CCDC81: variants seen among roughly 807,000 people sequenced by gnomAD.
CCDC81 encodes coiled-coil domain containing 81, also known as coiled-coil domain-containing protein 81.
A neutral mutation model predicts 83.7 loss-of-function variants in CCDC81; 79 were observed. The ratio of observed to expected loss-of-function variants is 0.94; its 90% CI spans 0.79 to 1.14. CCDC81 has a LOEUF of 1.14. CCDC81 is among the 50% of genes most tolerant of loss of function. The pLI, the probability that CCDC81 is intolerant of heterozygous loss-of-function variation, is 0.00. For synonymous variants in CCDC81, 252 were observed against 278.1 expected (o/e 0.91, Z 0.93); for missense variants, 791 against 778.1 (o/e 1.02, Z -0.20).
rs562183450 is a variant in CCDC81, at chr11:86,395,375, C to T, written c.597C>T (p.Ala199=). 8.4e-5 allele frequency: 136 copies of T among 1,614,104 alleles called. No individual in the cohort carries two copies. The South Asian group carries it at 1.4e-3, about 17-fold the overall frequency. The change falls in exon 5 of 15, where the codon GCC becomes GCT. Residue 199 remains alanine (A), a synonymous_variant. Transcript: ENST00000445632. ...ACTCGGTGTTGTCTAGCAGAGAGGC[C>T]TTGAGGAAGTGGCCCAGCAGTGTGC... ...TVDSVLSSRE[A]LRKWPSSVLA... is the part of the protein sequence containing the mutation.
rs1261004368 is a variant in CCDC81 at position 86,417,554 on chromosome 11, T to C, written c.1691+2241T>C. 3.3e-5 allele frequency among the ~76,000 whole-genome samples: 5 copies of C among 152,156 alleles called. No individual in the cohort carries two copies. The East Asian group carries it at 7.7e-4, about 23-fold the overall frequency. On this transcript the variant is annotated intron_variant, in intron 13 of 14. Transcript: ENST00000445632. Reference sequence around the variant, plus strand: ...ATATATGAGATTCATTCTTCTTTAATAGCAGCATATTATCTATAATATAGA... The same window carrying C: ...ATATATGAGATTCATTCTTCTTTAACAGCAGCATATTATCTATAATATAGA...
intron 1 of CCDC81, among the ~76,000 whole-genome samples, chr11:86,375,455 G>A (rs1388794456): frequency 1.3e-5 from 2 of 152,136 alleles, no homozygotes; most frequent in African/African-American, 4.8e-5. Flanking sequence ...TGCGTAGACA[G>A]CACAAAGTAA....
rs752374705 is a variant in CCDC81 at position 86,422,747 on chromosome 11, A to T, written c.*32A>T. 1 of 1,599,780 alleles carries T rather than the reference A, an allele frequency of 6.3e-7. No homozygotes were observed. Among genetic ancestry groups the T allele is most frequent in the African/African-American group, 1.3e-5 (1 of 74,178 alleles). On this transcript the variant is annotated 3_prime_UTR_variant, in exon 15 of 15. Coordinates refer to ENST00000445632, the MANE Select transcript of CCDC81 (RefSeq NM_001156474.2). ...AAGTTTGGCTCTTCGTTTCCCGGGG[A>T]AAGTTTTTATCTTTTACATGTTTGG...
intron 13 of CCDC81, among the ~76,000 whole-genome samples, chr11:86,416,372 A>C (rs900742172): frequency 1.9e-4 from 29 of 152,192 alleles, no homozygotes; most frequent in African/African-American, 7.0e-4. Flanking sequence ...TGGGAAGCAA[A>C]GTGTGCTTTC....
rs11821407 is a variant in CCDC81, at chr11:86,408,411, C to T, written c.1113+141C>T. 1,275 of 689,346 alleles carry T rather than the reference C, an allele frequency of 1.8e-3. 9 individuals carry two copies. The African/African-American group carries it at 0.022, about 12-fold the overall frequency. 42.7% of individuals were successfully genotyped at this position (689,346 alleles called of 1,614,324 possible). On this transcript the variant is annotated intron_variant, in intron 9 of 14. Coordinates refer to ENST00000445632, the MANE Select transcript of CCDC81 (RefSeq NM_001156474.2). ...GCAGTGGCACAACCTCTGCTCACTG[C>T]AGCCTTGACCTACTTGGGCTCAGAT...
At chr11:86,398,000 C>T (rs529643448) in intron 6 of CCDC81, among the ~76,000 whole-genome samples, 149 of 152,156 alleles carry the variant, frequency 9.8e-4, no homozygotes, top group Non-Finnish European at 1.5e-3. Flanking sequence ...CCATCATGTG[C>T]CACCATGCCT....
At chr11:86,377,521 T>A (rs1948114071) in intron 1 of CCDC81, among the ~76,000 whole-genome samples, 1 of 152,202 alleles carries the variant, frequency 6.6e-6, no homozygotes, top group South Asian at 2.1e-4. Context: ...TGGTATCTCA[T>A]TGTTTTATTT....
intron 1 of CCDC81, 41 bp from the exon 2 acceptor site, chr11:86,386,010 G>T: frequency 1.1e-6 from 1 of 948,350 alleles, no homozygotes; most frequent in Non-Finnish European, 1.7e-6. Flanking sequence ...ACATGGGTGC[G>T]CATATAAATT....
intron 1 of CCDC81, among the ~76,000 whole-genome samples, chr11:86,383,606 C>A (rs1948201635): frequency 6.6e-6 from 1 of 152,114 alleles, no homozygotes; most frequent in Non-Finnish European, 1.5e-5. Context: ...CTTGGCATTT[C>A]AGTGTTTGAT....
chr11:86,375,249 G>A lies in CCDC81; in HGVS notation c.79+7G>A, dbSNP rs112346194. 11 of 1,606,982 alleles carry A rather than the reference G, an allele frequency of 6.8e-6. No individual in the cohort carries two copies. The highest frequency in any genetic ancestry group is 6.7e-5 in the African/African-American group (5 of 74,884). ...CCCTCGCTGAGCCAGGAGGGTAAGCGTGTTGGGTAGCAGGGGGTGGCCCTG... is the reference window on the plus strand; with the variant it reads ...CCCTCGCTGAGCCAGGAGGGTAAGCATGTTGGGTAGCAGGGGGTGGCCCTG... On this transcript the variant is annotated splice_region_variant and intron_variant, in intron 1 of 14. Transcript: ENST00000445632.
At chr11:86,381,918 G>A (rs1465316779) in intron 1 of CCDC81, among the ~76,000 whole-genome samples, 4 of 152,208 alleles carry the variant, frequency 2.6e-5, no homozygotes, top group African/African-American at 9.6e-5. Flanking sequence ...GAGGTAGAGA[G>A]TGGAAGTGAG....
At chr11:86,382,519 A>T (rs1234933870) in intron 1 of CCDC81, among the ~76,000 whole-genome samples, 1 of 152,160 alleles carries the variant, frequency 6.6e-6, no homozygotes, top group Non-Finnish European at 1.5e-5. Context: ...TAAGAGAAGA[A>T]AGATTGCGGT....
intron 1 of CCDC81, among the ~76,000 whole-genome samples, chr11:86,377,098 C>T (rs1039199000): frequency 2.0e-5 from 3 of 151,962 alleles, no homozygotes; most frequent in African/African-American, 7.3e-5. Flanking sequence ...AATATTCCTC[C>T]ATGTCTTTTT....
chr11:86,374,975 T>G lies in CCDC81; in HGVS notation c.-189T>G. Reference sequence around the variant, plus strand: ...TGGGGAGGGACGGCGAGAACCAATGTTTAAGTTTATTTAAGAAAGAAGAAA... The same window carrying G: ...TGGGGAGGGACGGCGAGAACCAATGGTTAAGTTTATTTAAGAAAGAAGAAA... On this transcript the variant is annotated 5_prime_UTR_variant, in exon 1 of 15. Coordinates refer to ENST00000445632, the MANE Select transcript of CCDC81 (RefSeq NM_001156474.2). 1.6e-6 allele frequency: 1 copy of G among 623,576 alleles called. No individual in the cohort carries two copies. The allele number at this position is 623,576 out of a possible 1,614,324, so 38.6% of individuals were successfully genotyped here. A position where few individuals can be genotyped will look rare whatever the true frequency, so the allele number is the denominator to read the frequency against.
At chr11:86,417,236 C>CAAA (rs35734072) in intron 13 of CCDC81, among the ~76,000 whole-genome samples, 5 of 135,166 alleles carry the variant, frequency 3.7e-5, no homozygotes, top group African/African-American at 1.1e-4. Context: ...GAGATTGCCT[C>CAAA]AAAAAAAAAA....
At chr11:86,376,385 G>A (rs1948098650) in intron 1 of CCDC81, among the ~76,000 whole-genome samples, 2 of 152,144 alleles carry the variant, frequency 1.3e-5, no homozygotes, top group Admixed American at 1.3e-4. Context: ...AAGGAAAGAG[G>A]TTTAATTGAC....
chr11:86,383,079 A>G (rs1442008104), intron 1 of CCDC81, among the ~76,000 whole-genome samples: 1 of 152,226 alleles, frequency 6.6e-6, no homozygotes, highest in Non-Finnish European at 1.5e-5. Context: ...TATATTCATC[A>G]TTGTATATTC....
intron 4 of CCDC81, among the ~76,000 whole-genome samples, chr11:86,393,686 T>C: frequency 6.6e-6 from 1 of 152,244 alleles, no homozygotes; most frequent in Non-Finnish European, 1.5e-5. Context: ...AATTTCCTAA[T>C]TGGCATCATT....
At chr11:86,409,659 C>CA (rs1167044557) in intron 10 of CCDC81, among the ~76,000 whole-genome samples, 2 of 152,182 alleles carry the variant, frequency 1.3e-5, no homozygotes. Context: ...CCATGTTGGC[C>CA]AGGCTGGTCT....
Sources: allele counts gnomAD v4.1 joint callset (sites outside exome capture counted in the v4.1 genomes callset), GRCh38; gene constraint gnomAD v4.1.1; transcripts MANE v1.5; gene names NCBI Gene and HGNC (gene_info 2026-07-23, HGNC 2026-07-21).